NPFFR2: variants seen among roughly 807,000 people sequenced by gnomAD.
NPFFR2 encodes neuropeptide FF receptor 2, also known as G-protein coupled receptor 74.
Under a neutral mutation model 13.1 loss-of-function variants are expected in NPFFR2, and 15 were observed. That is an observed-to-expected ratio of 1.15 (90% CI 0.77 to 1.76). The LOEUF (loss-of-function observed/expected upper bound fraction) is 1.76, where lower values mean the gene tolerates loss of function less well. NPFFR2 is among the 40% of genes most tolerant of loss of function. NPFFR2 has a pLI of 0.00. For missense variants in NPFFR2, 572 were observed against 503.5 expected (o/e 1.14, Z -1.30); for synonymous variants, 190 against 175.7 (o/e 1.08, Z -0.65).
In NPFFR2 at chr4:72,147,402, C is replaced by G. The variant is rs1206126662; in HGVS notation, c.853C>G (p.Leu285Val). ...CCTGATTGTGGCCCTGCTTTTTATTCTCTCATGGCTGCCCCTGTGGACTCT... is the reference window on the plus strand; with the variant it reads ...CCTGATTGTGGCCCTGCTTTTTATTGTCTCATGGCTGCCCCTGTGGACTCT... ...MLLIVALLFI[L>V]SWLPLWTLMM... Residue 285 changes from leucine (L) to valine (V), a missense_variant, in exon 4 of 4, where the codon CTC becomes GTC. By Grantham distance (32) the Leu-to-Val change is conservative. Transcript: ENST00000308744. 1 of 1,613,998 alleles carries G rather than the reference C, an allele frequency of 6.2e-7. No individual in the cohort carries two copies. The highest frequency in any genetic ancestry group is 8.5e-7 in the Non-Finnish European group (1 of 1,180,034).
At position 72,128,565 on chromosome 4, in the gene NPFFR2, T is replaced by C. The variant is rs1350911245; in HGVS notation, c.-7-20T>C. 33 of 1,485,280 alleles carry C rather than the reference T, an allele frequency of 2.2e-5. No individual in the cohort carries two copies. The East Asian group carries it at 7.3e-4, about 33-fold the overall frequency. The allele number at this position is 1,485,280 out of a possible 1,614,324, so 92.0% of individuals were successfully genotyped here. ...CTGGTTCCTAATTATGTTTTTCTTT[T>C]CTGTCTCTTCTTTATTAAGGTTCAT... On this transcript the variant is annotated intron_variant, in intron 1 of 3. Transcript: ENST00000308744.
intron 2 of NPFFR2, among the ~76,000 whole-genome samples, chr4:72,131,881 T>C (rs1030251985): frequency 1.7e-4 from 26 of 151,990 alleles, no homozygotes; most frequent in African/African-American, 6.3e-4. Context: ...TTTACTAAAT[T>C]CAAAGGGGTA....
chr4:72,095,852 G>A (rs1215397744), intron 1 of NPFFR2, among the ~76,000 whole-genome samples: 8 of 152,108 alleles, frequency 5.3e-5, no homozygotes, highest in Non-Finnish European at 8.8e-5. Flanking sequence ...TCTCTGCTCC[G>A]TAGCCTCAAA....
intron 1 of NPFFR2, among the ~76,000 whole-genome samples, chr4:72,076,244 T>C (rs144363505): frequency 1.3e-3 from 101 of 75,212 alleles, no homozygotes; most frequent in Non-Finnish European, 2.4e-3. Flanking sequence ...ATGACCTTAT[T>C]TGCTCTATGT....
chr4:72,051,365 G>A (rs1033967836), intron 1 of NPFFR2, among the ~76,000 whole-genome samples: 11 of 152,072 alleles, frequency 7.2e-5, no homozygotes, highest in African/African-American at 2.7e-4. Flanking sequence ...CAACTACATG[G>A]AAACTGAACG....
intron 1 of NPFFR2, among the ~76,000 whole-genome samples, chr4:72,121,034 AC>A (rs1721858821): frequency 2.0e-5 from 3 of 152,098 alleles, no homozygotes; most frequent in Admixed American, 1.3e-4. Flanking sequence ...AACTAGAATA[AC>A]CAGTTTAGAG....
At chr4:72,130,591 C>T (rs1421202982) in intron 2 of NPFFR2, among the ~76,000 whole-genome samples, 2 of 152,042 alleles carry the variant, frequency 1.3e-5, no homozygotes, top group African/African-American at 4.8e-5. Context: ...TTCCCTTGAC[C>T]CCTGCTTGGG....
chr4:72,146,563 G>C (rs1404911075), intron 3 of NPFFR2: 1 of 178,072 alleles, frequency 5.6e-6, no homozygotes, highest in East Asian at 1.6e-4. Context: ...ACGATGTAGA[G>C]GTTGAGTTTG....
chr4:72,117,871 A>G (rs1239925379), intron 1 of NPFFR2, among the ~76,000 whole-genome samples: 1 of 152,222 alleles, frequency 6.6e-6, no homozygotes, highest in Non-Finnish European at 1.5e-5. Context: ...TAAAAAAGGA[A>G]CAAATAAAAA....
At chr4:72,094,816 A>C (rs1721015103) in intron 1 of NPFFR2, among the ~76,000 whole-genome samples, 1 of 152,186 alleles carries the variant, frequency 6.6e-6, no homozygotes, top group Non-Finnish European at 1.5e-5. Context: ...ATCCACTTCA[A>C]AAAGTCTGTG....
intron 1 of NPFFR2, among the ~76,000 whole-genome samples, chr4:72,050,291 C>G (rs1719504863): frequency 6.6e-6 from 1 of 151,920 alleles, no homozygotes; most frequent in Non-Finnish European, 1.5e-5. Flanking sequence ...ACTATATAAA[C>G]CCAAACTAAT....
At position 72,138,136 on chromosome 4, in the gene NPFFR2, A is replaced by T. The variant is rs753341413; in HGVS notation, c.425A>T (p.Asp142Val). 2.5e-6 allele frequency: 4 copies of T among 1,611,058 alleles called. No individual in the cohort carries two copies. In the East Asian group the frequency reaches 8.9e-5, roughly 36 times the overall value. ...SVFTLVAIAV[D>V]RFQCVVYPFK... ...TTTACGTTAGTTGCAATTGCTGTAG[A>T]TAGGTAAGTCTGCACCAAACTCTGA... is the stretch of plus-strand genomic sequence containing the variant. The change falls in exon 3 of 4, where the codon GAT becomes GTT. Residue 142 changes from aspartate (D) to valine (V), a missense_variant. Asp to Val is a radical substitution (Grantham distance 152). Transcript: ENST00000308744.
intron 1 of NPFFR2, among the ~76,000 whole-genome samples, chr4:72,075,452 A>G (rs1358963071): frequency 6.6e-6 from 1 of 152,168 alleles, no homozygotes; most frequent in Non-Finnish European, 1.5e-5. Flanking sequence ...CTAAAGAACT[A>G]AAGGGAGAAA....
intron 1 of NPFFR2, among the ~76,000 whole-genome samples, chr4:72,093,122 G>T (rs770948076): frequency 6.6e-6 from 1 of 152,152 alleles, no homozygotes; most frequent in Non-Finnish European, 1.5e-5. Context: ...ATTCTTGGCT[G>T]AAAATTGTTT....
chr4:72,085,143 C>G (rs1012982882), intron 1 of NPFFR2, among the ~76,000 whole-genome samples: 2 of 152,046 alleles, frequency 1.3e-5, no homozygotes, highest in African/African-American at 4.8e-5. Context: ...AAGACAGATA[C>G]CAACAAATGT....
intron 1 of NPFFR2, among the ~76,000 whole-genome samples, chr4:72,088,702 G>A (rs1407318119): frequency 6.6e-6 from 1 of 151,972 alleles, no homozygotes; most frequent in Non-Finnish European, 1.5e-5. Context: ...GTAAAGGAGG[G>A]AGTGCCACTT....
At chr4:72,033,380 A>G (rs1010052550) in intron 1 of NPFFR2, among the ~76,000 whole-genome samples, 5 of 152,210 alleles carry the variant, frequency 3.3e-5, no homozygotes, top group Admixed American at 3.3e-4. Context: ...AATATAGTGC[A>G]GTAACAGTAC....
intron 1 of NPFFR2, among the ~76,000 whole-genome samples, chr4:72,100,572 T>A (rs949649406): frequency 1.3e-5 from 2 of 152,066 alleles, no homozygotes; most frequent in African/African-American, 4.8e-5. Context: ...CTAATACTAG[T>A]ACTATTATCA....
intron 1 of NPFFR2, among the ~76,000 whole-genome samples, chr4:72,112,569 T>A (rs777724454): frequency 1.3e-5 from 2 of 151,994 alleles, no homozygotes; most frequent in African/African-American, 4.8e-5. Context: ...GTAGCACGTG[T>A]TTCATTATCT....
Sources: allele counts gnomAD v4.1 joint callset (sites outside exome capture counted in the v4.1 genomes callset), GRCh38; gene constraint gnomAD v4.1.1; transcripts MANE v1.5; gene names NCBI Gene and HGNC (gene_info 2026-07-23, HGNC 2026-07-21).